The following DLG1 variants were observed in gnomAD, a reference collection of about 807,000 sequenced individuals.
DLG1 encodes the protein disks large homolog 1.
A neutral mutation model predicts 123.4 loss-of-function variants in DLG1; 42 were observed. The observed-to-expected ratio is 0.34, with a 90% CI of 0.27 to 0.44. DLG1 has a LOEUF of 0.44. Ranked by LOEUF, DLG1 falls within the 20% of genes least tolerant of loss-of-function variation. The pLI, the probability that DLG1 is intolerant of heterozygous loss-of-function variation, is 1.00. For missense variants in DLG1, 942 were observed against 1,082.6 expected, an observed-to-expected ratio of 0.87 and a Z score of 1.82; for synonymous variants, 317 against 356.2, an observed-to-expected ratio of 0.89 and a Z score of 1.24.
chr3:197,291,860 G>C (rs1775083415), intron 3 of DLG1, among the ~76,000 whole-genome samples: 1 of 152,160 alleles, frequency 6.6e-6, no homozygotes, highest in African/African-American at 2.4e-5. Flanking sequence ...TTAGCACATA[G>C]AAAGTGCTCA....
At chr3:197,233,976 A>C (rs1368776688) in intron 4 of DLG1, among the ~76,000 whole-genome samples, 1 of 152,242 alleles carries the variant, frequency 6.6e-6, no homozygotes, top group Non-Finnish European at 1.5e-5. Context: ...ATTTGCTTCT[A>C]GCATAAAACT....
intron 23 of DLG1, among the ~76,000 whole-genome samples, chr3:197,053,993 G>A (rs933057124): frequency 9.9e-5 from 15 of 151,188 alleles, no homozygotes; most frequent in African/African-American, 3.2e-4. Context: ...TTGGGAGGCC[G>A]AGGTGAGAGG....
intron 19 of DLG1, chr3:197,068,385 A>G: frequency 1.4e-6 from 1 of 715,660 alleles, no homozygotes; most frequent in South Asian, 1.8e-5. Context: ...TTCCACACCA[A>G]AAAAAAAATC....
In DLG1 at chr3:197,213,371, G is replaced by A. The variant is rs916863396; in HGVS notation, c.319-18782C>T. On this transcript the variant is annotated intron_variant, in intron 4 of 24. Transcript: ENST00000667157. ...GTTTGAAAATGTAAAATAATTTATC[G>A]TGAGAAAGGCAGATTAGTGGTACCT... Among the ~76,000 whole-genome samples the A allele has an allele frequency of 7.9e-5, 12 of 152,154 alleles. No individual in the cohort carries two copies. The East Asian group carries it at 1.2e-3, about 15-fold the overall frequency.
chr3:197,233,523 A>C (rs928725343), intron 4 of DLG1, among the ~76,000 whole-genome samples: 1 of 152,144 alleles, frequency 6.6e-6, no homozygotes, highest in African/African-American at 2.4e-5. Context: ...AGTAGCTGGG[A>C]TTACAGGTGC....
intron 5 of DLG1, among the ~76,000 whole-genome samples, chr3:197,165,128 T>C (rs1176149407): frequency 1.3e-5 from 2 of 152,166 alleles, no homozygotes; most frequent in Admixed American, 1.3e-4. Context: ...CCTTTCTCTA[T>C]CGCTGCTTCT....
chr3:197,191,259 C>G (rs1577834305), intron 5 of DLG1, among the ~76,000 whole-genome samples: 1 of 152,106 alleles, frequency 6.6e-6, no homozygotes, highest in South Asian at 2.1e-4. Context: ...GGCCTAAACC[C>G]TTAGGGATAA....
At chr3:197,063,876 C>T (rs1393868461) in intron 22 of DLG1, among the ~76,000 whole-genome samples, 1 of 152,024 alleles carries the variant, frequency 6.6e-6, no homozygotes, top group Non-Finnish European at 1.5e-5. Flanking sequence ...TCATATTTCT[C>T]CCTGAATCTG....
At chr3:197,125,348 T>C (rs1234753139) in intron 11 of DLG1, among the ~76,000 whole-genome samples, 1 of 152,138 alleles carries the variant, frequency 6.6e-6, no homozygotes, top group Non-Finnish European at 1.5e-5. Flanking sequence ...GGTTCTGCTT[T>C]TTAGGAACCA....
chr3:197,047,262 G>A (rs895222974), intron 24 of DLG1, among the ~76,000 whole-genome samples: 1 of 152,022 alleles, frequency 6.6e-6, no homozygotes, highest in African/African-American at 2.4e-5. Context: ...TAGAAGTAAA[G>A]GGACATCTAC....
At chr3:197,229,214 A>C (rs9814993) in intron 4 of DLG1, among the ~76,000 whole-genome samples, 23,847 of 152,086 alleles carry the variant, frequency 0.16, 2,409 homozygotes, top group African/African-American at 0.29. Context: ...TGCACACTTT[A>C]ACACACTATT....
intron 10 of DLG1, among the ~76,000 whole-genome samples, chr3:197,133,604 A>C (rs568867953): frequency 6.6e-6 from 1 of 152,236 alleles, no homozygotes; most frequent in East Asian, 1.9e-4. Flanking sequence ...TTTACGCCAG[A>C]GAAAAGTTAT....
intron 4 of DLG1, among the ~76,000 whole-genome samples, chr3:197,258,458 T>C (rs1198930003): frequency 6.6e-6 from 1 of 152,056 alleles, no homozygotes; most frequent in African/African-American, 2.4e-5. Context: ...AAAAAACTAA[T>C]CATCATTGCT....
At chr3:197,297,428 T>C in intron 1 of DLG1, 193 bp from the exon 2 acceptor site, 1 of 1,404,960 alleles carries the variant, frequency 7.1e-7, no homozygotes, top group Non-Finnish European at 9.2e-7. Context: ...TGGGTACCCC[T>C]CCAAATTAAG....
At chr3:197,046,945 A>G (rs1195400599) in intron 24 of DLG1, among the ~76,000 whole-genome samples, 1 of 135,024 alleles carries the variant, frequency 7.4e-6, no homozygotes, top group Non-Finnish European at 1.7e-5. Context: ...AATCCCCCCT[A>G]GTGTTTTTAC....
intron 4 of DLG1, among the ~76,000 whole-genome samples, chr3:197,199,671 C>A (rs1033829315): frequency 2.6e-5 from 4 of 152,064 alleles, no homozygotes; most frequent in African/African-American, 9.7e-5. Flanking sequence ...GCTTTCAGGG[C>A]CATCATTACA....
intron 8 of DLG1, 52 bp from the exon 9 acceptor site, chr3:197,138,443 A>G (rs2149627215): frequency 9.7e-7 from 1 of 1,035,652 alleles, no homozygotes; most frequent in African/African-American, 1.7e-5. Context: ...ATTTAAATAT[A>G]AATTTTCCAC....
chr3:197,048,718 C>T (rs751328616), intron 24 of DLG1, among the ~76,000 whole-genome samples: 4 of 152,094 alleles, frequency 2.6e-5, no homozygotes, highest in East Asian at 1.9e-4. Flanking sequence ...TGCAATTGTG[C>T]GATCTTGGCT....
intron 24 of DLG1, among the ~76,000 whole-genome samples, chr3:197,047,941 G>A (rs572055132): frequency 1.3e-4 from 20 of 152,070 alleles, no homozygotes; most frequent in Admixed American, 9.2e-4. Context: ...CACAGCAAAG[G>A]AACAATCAAC....
Sources: gnomAD v4.1 joint callset for allele counts (sites outside exome capture counted in the v4.1 genomes callset) on GRCh38, gnomAD v4.1.1 for gene constraint, MANE v1.5 for transcripts, NCBI Gene and HGNC (gene_info 2026-07-23, HGNC 2026-07-21) for gene names.